ETV6: variants seen among roughly 807,000 people sequenced by gnomAD.
ETV6 encodes ETS variant transcription factor 6.
Under a neutral mutation model 51.1 loss-of-function variants are expected in ETV6, and 16 were observed. That is an observed-to-expected ratio of 0.31 (90% CI 0.21 to 0.48). ETV6 has a LOEUF of 0.48. Ranked by LOEUF, ETV6 falls within the 20% of genes least tolerant of loss-of-function variation. The probability of loss-of-function intolerance (pLI) is 0.99; values close to 1 mark genes in which losing one functional copy is unlikely to be tolerated. For synonymous variants in ETV6, 240 were observed against 224.1 expected (o/e 1.07, Z -0.64); for missense variants, 458 against 594.8 (o/e 0.77, Z 2.39).
intron 2 of ETV6, among the ~76,000 whole-genome samples, chr12:11,798,594 G>A (rs1945708613): frequency 6.6e-6 from 1 of 152,088 alleles, no homozygotes; most frequent in African/African-American, 2.4e-5. Flanking sequence ...GAGGAAATAA[G>A]TTACGTTAGG....
At chr12:11,705,236 G>A (rs1166124682) in intron 1 of ETV6, among the ~76,000 whole-genome samples, 1 of 152,168 alleles carries the variant, frequency 6.6e-6, no homozygotes, top group African/African-American at 2.4e-5. Flanking sequence ...GAAGTGGGCC[G>A]GTGCTCAAAC....
At chr12:11,665,607 G>A (rs916886487) in intron 1 of ETV6, among the ~76,000 whole-genome samples, 1 of 152,210 alleles carries the variant, frequency 6.6e-6, no homozygotes, top group Admixed American at 6.5e-5. Context: ...TTAATCAGTA[G>A]GTATTTATTA....
intron 2 of ETV6, among the ~76,000 whole-genome samples, chr12:11,770,284 C>A (rs1460704546): frequency 3.3e-5 from 5 of 152,026 alleles, no homozygotes. Flanking sequence ...TTTCCCTGCA[C>A]CACCAAGACT....
intron 2 of ETV6, among the ~76,000 whole-genome samples, chr12:11,763,330 T>C (rs954248656): frequency 3.9e-5 from 6 of 152,216 alleles, no homozygotes; most frequent in African/African-American, 1.4e-4. Context: ...AATTTGGCCG[T>C]GATTCAAATA....
In ETV6 at chr12:11,649,984, C is replaced by A. The variant is rs1283382816; in HGVS notation, c.-144C>A. The A allele has an allele frequency of 2.7e-5, 21 of 764,436 alleles. No homozygotes were observed. The highest frequency in any genetic ancestry group is 4.4e-5 in the Non-Finnish European group (20 of 449,642). The allele number at this position is 764,436 out of a possible 1,614,324, so 47.4% of individuals were successfully genotyped here. Reference sequence around the variant, plus strand: ...CCCGCCCCGCCCCGCGCGCTCCAGACCCCCGGGGCGGCTGCCGGGAGAGAT... The same window carrying A: ...CCCGCCCCGCCCCGCGCGCTCCAGAACCCCGGGGCGGCTGCCGGGAGAGAT... On this transcript the variant is annotated 5_prime_UTR_variant, in exon 1 of 8. Coordinates refer to ENST00000396373, the MANE Select transcript of ETV6 (RefSeq NM_001987.5).
At chr12:11,765,139 G>A (rs1293008865) in intron 2 of ETV6, among the ~76,000 whole-genome samples, 1 of 152,196 alleles carries the variant, frequency 6.6e-6, no homozygotes, top group Non-Finnish European at 1.5e-5. Context: ...CTACCCCACA[G>A]AAAACATCTA....
intron 2 of ETV6, among the ~76,000 whole-genome samples, chr12:11,779,922 C>A (rs567756656): frequency 7.2e-5 from 11 of 152,302 alleles, no homozygotes; most frequent in African/African-American, 2.6e-4. Context: ...ATTAAATGAG[C>A]TGATAAAATT....
At chr12:11,806,088 A>G (rs1312459292) in intron 2 of ETV6, among the ~76,000 whole-genome samples, 1 of 152,178 alleles carries the variant, frequency 6.6e-6, no homozygotes, top group Non-Finnish European at 1.5e-5. Context: ...TGTAAAGAAA[A>G]ATATGAAATT....
chr12:11,720,769 T>A (rs1865368775), intron 1 of ETV6, among the ~76,000 whole-genome samples: 1 of 152,040 alleles, frequency 6.6e-6, no homozygotes, highest in African/African-American at 2.4e-5. Context: ...GGCAAAAGAA[T>A]CAACAGAGTA....
chr12:11,654,836 T>A lies in ETV6; in HGVS notation c.33+4676T>A, dbSNP rs146483602. The stretch of plus-strand genomic sequence containing the variant: ...ATCCTTGGGTGGGCCGTAGGCTCTT[T>A]TATCAAGGGTCAGACAATCCTATTT... On this transcript the variant is annotated intron_variant, in intron 1 of 7. Coordinates refer to ENST00000396373, the MANE Select transcript of ETV6 (RefSeq NM_001987.5). 7.7e-4 allele frequency among the ~76,000 whole-genome samples: 117 copies of A among 152,358 alleles called. 2 individuals carry two copies. In the East Asian group the frequency reaches 0.018, roughly 23 times the overall value.
intron 1 of ETV6, among the ~76,000 whole-genome samples, chr12:11,715,660 A>C (rs905450497): frequency 2.0e-5 from 3 of 152,218 alleles, no homozygotes; most frequent in African/African-American, 7.2e-5. Flanking sequence ...GAACTTATAG[A>C]GGTCACACAT....
chr12:11,719,912 T>C (rs1865349596), intron 1 of ETV6, among the ~76,000 whole-genome samples: 1 of 152,222 alleles, frequency 6.6e-6, no homozygotes. Context: ...AGGCTTCTGC[T>C]GTCTGGGCTC....
intron 3 of ETV6, among the ~76,000 whole-genome samples, chr12:11,843,231 A>ATC (rs1299221367): frequency 6.6e-6 from 1 of 152,204 alleles, no homozygotes; most frequent in Non-Finnish European, 1.5e-5. Flanking sequence ...GACCCATCTG[A>ATC]TGAAGGGGTC....
intron 5 of ETV6, among the ~76,000 whole-genome samples, chr12:11,878,472 G>A (rs1290072953): frequency 1.3e-5 from 2 of 152,078 alleles, no homozygotes; most frequent in African/African-American, 4.8e-5. Context: ...GCCTTATTAG[G>A]TTCTGACTGC....
In ETV6 at chr12:11,891,593, C is replaced by G; in HGVS notation, c.*547C>G. On this transcript the variant is annotated 3_prime_UTR_variant, in exon 8 of 8. Coordinates refer to ENST00000396373, the MANE Select transcript of ETV6 (RefSeq NM_001987.5). ...AGGTCTGTTCCTGTTACTGTTGGGT[C>G]TTGGCTGAAAAAAAAAAATGCTTTT... 1.9e-6 allele frequency: 1 copy of G among 529,678 alleles called. No homozygotes were observed. Among genetic ancestry groups the G allele is most frequent in the South Asian group, 1.6e-5 (1 of 64,154 alleles). The allele number at this position is 529,678 out of a possible 1,614,324, so 32.8% of individuals were successfully genotyped here. A position where few individuals can be genotyped will look rare whatever the true frequency, so the allele number is the denominator to read the frequency against.
chr12:11,707,716 G>A (rs986348231), intron 1 of ETV6, among the ~76,000 whole-genome samples: 1 of 152,220 alleles, frequency 6.6e-6, no homozygotes, highest in Non-Finnish European at 1.5e-5. Flanking sequence ...CAGGCCCCGA[G>A]TCGTATGTGG....
At chr12:11,852,602 A>G (rs1946573972) in intron 3 of ETV6, among the ~76,000 whole-genome samples, 1 of 152,256 alleles carries the variant, frequency 6.6e-6, no homozygotes, top group African/African-American at 2.4e-5. Flanking sequence ...TAATTCTTCG[A>G]GTAATCTGAA....
At chr12:11,809,810 TGC>T (rs543709789) in intron 2 of ETV6, among the ~76,000 whole-genome samples, 2 of 145,814 alleles carry the variant, frequency 1.4e-5, no homozygotes, top group South Asian at 2.2e-4. Context: ...ATAGAGCTTC[TGC>T]TTTTTTTTTT....
At chr12:11,865,202 G>C (rs1195951179) in intron 4 of ETV6, among the ~76,000 whole-genome samples, 2 of 141,324 alleles carry the variant, frequency 1.4e-5, no homozygotes, top group Non-Finnish European at 3.0e-5. Context: ...AGTGAGCAGA[G>C]ATCACGCCAC....
Sources: gnomAD v4.1 joint callset for allele counts (sites outside exome capture counted in the v4.1 genomes callset) on GRCh38, gnomAD v4.1.1 for gene constraint, MANE v1.5 for transcripts, NCBI Gene and HGNC (gene_info 2026-07-23, HGNC 2026-07-21) for gene names.